Variants in NAV2 observed in about 807,000 individuals in gnomAD.
NAV2 encodes the protein neuron navigator 2.
Under a neutral mutation model 223.2 loss-of-function variants are expected in NAV2, and 54 were observed. The ratio of observed to expected loss-of-function variants is 0.24; its 90% CI spans 0.19 to 0.30. NAV2 has a LOEUF of 0.30. NAV2 is among the 10% of genes least tolerant of loss of function. The probability of loss-of-function intolerance (pLI) is 1.00; values close to 1 mark genes in which losing one functional copy is unlikely to be tolerated. For missense variants in NAV2, 2,806 were observed against 3,147.5 expected, an observed-to-expected ratio of 0.89 and a Z score of 2.60; for synonymous variants, 1,279 against 1,239.3, an observed-to-expected ratio of 1.03 and a Z score of -0.67.
At chr11:19,776,577 G>GTGT (rs1555045441) in intron 1 of NAV2, among the ~76,000 whole-genome samples, 1 of 116,122 alleles carries the variant, frequency 8.6e-6, no homozygotes, top group African/African-American at 3.8e-5. Flanking sequence ...CTGGGGCAGG[G>GTGT]GTGTGTGTGT....
chr11:19,443,726 G>A (rs1851484463), intron 1 of NAV2, among the ~76,000 whole-genome samples: 1 of 152,152 alleles, frequency 6.6e-6, no homozygotes, highest in South Asian at 2.1e-4. Context: ...ATTTGGATCT[G>A]CCCCTTGATA....
At chr11:19,546,965 C>A (rs1308921732) in intron 1 of NAV2, among the ~76,000 whole-genome samples, 1 of 152,160 alleles carries the variant, frequency 6.6e-6, no homozygotes, top group Admixed American at 6.5e-5. Flanking sequence ...ACTATTGATA[C>A]CTGGATTCTG....
At chr11:20,005,238 C>CATATATATATAATATATATAAT (rs1293698285) in intron 11 of NAV2, among the ~76,000 whole-genome samples, 1 of 80,882 alleles carries the variant, frequency 1.2e-5, no homozygotes, top group African/African-American at 3.0e-5. Context: ...GAGTTTTAAT[C>CATATATATATAATATATATAAT]ATATATATAT....
At position 19,939,732 on chromosome 11, in the gene NAV2, A is replaced by G. The variant is rs768598584; in HGVS notation, c.2105A>G (p.His702Arg). 10 of 1,614,148 alleles carry G rather than the reference A, an allele frequency of 6.2e-6. No individual in the cohort carries two copies. The highest frequency in any genetic ancestry group is 1.6e-4 in the Middle Eastern group (1 of 6,062). Residue 702 changes from histidine (H) to arginine (R), a missense_variant, in exon 8 of 38, where the codon CAC (histidine) becomes CGC (arginine). Transcript: ENST00000349880. ...ACAGGTGTGAGCGTGGAGCCCAGCC[A>G]CTTCACCAAGACTGGACAGCCTGCT... Reference protein sequence around the residue: ...SSTGVSVEPSHFTKTGQPALE... With the variant: ...SSTGVSVEPSRFTKTGQPALE...
In NAV2 at chr11:20,044,028, T is replaced by C; in HGVS notation, c.2955T>C (p.Ser985=). The change falls in exon 13 of 38, where the codon TCT becomes TCC. Residue 985 remains serine (S), a synonymous_variant. Coordinates refer to ENST00000349880, the MANE Select transcript of NAV2 (RefSeq NM_145117.5). Reference sequence around the variant, plus strand: ...AGGTGGAGAGGAATTCCCTGTGGTCTGGTGATGATGTCAAGAAATCAGACG... The same window carrying C: ...AGGTGGAGAGGAATTCCCTGTGGTCCGGTGATGATGTCAAGAAATCAGACG... The part of the protein sequence containing the change: ...HSQVERNSLW[S]GDDVKKSDGG... 1 of 1,614,156 alleles carries C rather than the reference T, an allele frequency of 6.2e-7. No individual in the cohort carries two copies. The highest frequency in any genetic ancestry group is 8.5e-7 in the Non-Finnish European group (1 of 1,180,014).
intron 10 of NAV2, among the ~76,000 whole-genome samples, chr11:19,960,526 G>T (rs1467920603): frequency 2.6e-5 from 4 of 152,034 alleles, no homozygotes; most frequent in Non-Finnish European, 5.9e-5. Flanking sequence ...TGACTTTGGT[G>T]CTCTTGTTGC....
intron 1 of NAV2, among the ~76,000 whole-genome samples, chr11:19,784,139 A>G (rs985533309): frequency 2.0e-5 from 3 of 152,008 alleles, no homozygotes; most frequent in Non-Finnish European, 4.4e-5. Flanking sequence ...CTGTAATCCC[A>G]GCACTTTGGG....
In NAV2 at chr11:19,491,859, C is replaced by T. The variant is rs147614232; in HGVS notation, c.75+140832C>T. Among the ~76,000 whole-genome samples, 1,475 of 152,008 alleles carry T rather than the reference C, an allele frequency of 9.7e-3. 20 individuals are homozygous for T. Among genetic ancestry groups the T allele is most frequent in the African/African-American group, 0.034 (1,399 of 41,428 alleles). On this transcript the variant is annotated intron_variant, in intron 1 of 37. Transcript: ENST00000360655. ...CTTTTGATTTAAAGTGAGAGATGTGCGACTCTTCCTTTCACTTGAACACTT... is the reference window on the plus strand; with the variant it reads ...CTTTTGATTTAAAGTGAGAGATGTGTGACTCTTCCTTTCACTTGAACACTT...
At chr11:19,483,990 G>A (rs1482462972) in intron 1 of NAV2, among the ~76,000 whole-genome samples, 1 of 152,138 alleles carries the variant, frequency 6.6e-6, no homozygotes, top group African/African-American at 2.4e-5. Flanking sequence ...CCTCTGGAGT[G>A]TCACAGACCA....
At position 20,070,886 on chromosome 11, in the gene NAV2, CA is replaced by C. The variant is rs558942827; in HGVS notation, c.4983+2491del. ...AATGGGATCCTCTGGATCTCCAGAG[CA>C]AATGTGTTTTCTTTTTAAGCTTGCA... On this transcript the variant is annotated intron_variant, in intron 22 of 37. Transcript: ENST00000349880. Among the ~76,000 whole-genome samples, 141 of 152,240 alleles carry C rather than the reference CA, an allele frequency of 9.3e-4. 2 individuals carry two copies. The highest frequency in any genetic ancestry group is 6.8e-3 in the Middle Eastern group (2 of 294).
chr11:19,684,927 T>C (rs1252772829), intron 1 of NAV2, among the ~76,000 whole-genome samples: 1 of 152,168 alleles, frequency 6.6e-6, no homozygotes, highest in African/African-American at 2.4e-5. Flanking sequence ...TGGCACATTG[T>C]AGGTGCTCAG....
At chr11:20,061,523 C>G (rs983776996) in intron 19 of NAV2, among the ~76,000 whole-genome samples, 1 of 149,712 alleles carries the variant, frequency 6.7e-6, no homozygotes, top group Non-Finnish European at 1.5e-5. Context: ...GAGCTGAGAT[C>G]GTGCCATTGC....
At chr11:20,070,971 T>C (rs181001511) in intron 22 of NAV2, among the ~76,000 whole-genome samples, 1 of 152,268 alleles carries the variant, frequency 6.6e-6, no homozygotes, top group Admixed American at 6.5e-5. Context: ...TTTTTTTTAT[T>C]ATACTTTAAG....
intron 1 of NAV2, among the ~76,000 whole-genome samples, chr11:19,730,888 C>G (rs887442219): frequency 6.6e-6 from 1 of 152,060 alleles, no homozygotes; most frequent in African/African-American, 2.4e-5. Context: ...ATGCAGCATG[C>G]CCAGTGAAAT....
At chr11:19,401,392 G>T (rs1849679608) in intron 1 of NAV2, among the ~76,000 whole-genome samples, 1 of 152,204 alleles carries the variant, frequency 6.6e-6, no homozygotes, top group South Asian at 2.1e-4. Flanking sequence ...TCTTATTGGT[G>T]TTGATAGGTA....
In NAV2 at chr11:20,092,111, T is replaced by C. The variant is rs758557216; in HGVS notation, c.5653-95T>C. The C allele has an allele frequency of 8.6e-5, 108 of 1,251,700 alleles. 1 individual carries two copies. The Admixed American group carries it at 1.9e-3, about 22-fold the overall frequency. 77.5% of individuals were successfully genotyped at this position (1,251,700 alleles called of 1,614,324 possible). On this transcript the variant is annotated intron_variant, in intron 27 of 37. Coordinates refer to ENST00000349880, the MANE Select transcript of NAV2 (RefSeq NM_145117.5). The stretch of plus-strand genomic sequence containing the variant: ...GTTCGCCTTGGGTGGAAGACCAGCC[T>C]GGTTTCTGCAGGGAACTTTCAGATC...
chr11:19,586,261 A>T (rs1239590874), intron 1 of NAV2, among the ~76,000 whole-genome samples: 2 of 151,972 alleles, frequency 1.3e-5, no homozygotes, highest in Admixed American at 6.5e-5. Context: ...TGCATTGGTT[A>T]TTCTAGTTAG....
intron 1 of NAV2, among the ~76,000 whole-genome samples, chr11:19,478,783 C>G (rs1179841390): frequency 6.6e-6 from 1 of 152,232 alleles, no homozygotes; most frequent in African/African-American, 2.4e-5. Flanking sequence ...TACCCAGCAT[C>G]TCTCTGCTGT....
intron 36 of NAV2, among the ~76,000 whole-genome samples, chr11:20,110,427 G>T (rs935740567): frequency 4.6e-5 from 7 of 152,156 alleles, no homozygotes; most frequent in African/African-American, 7.2e-5. Flanking sequence ...TACTTGACAG[G>T]CACCATTAGG....
Sources: allele counts gnomAD v4.1 joint callset (sites outside exome capture counted in the v4.1 genomes callset), GRCh38; gene constraint gnomAD v4.1.1; transcripts MANE v1.5; gene names NCBI Gene and HGNC (gene_info 2026-07-23, HGNC 2026-07-21).